SMC5: variants seen among roughly 807,000 people sequenced by gnomAD.
The protein encoded by SMC5 is structural maintenance of chromosomes 5.
A neutral mutation model predicts 148.3 loss-of-function variants in SMC5; 88 were observed. The ratio of observed to expected loss-of-function variants is 0.59; its 90% CI spans 0.50 to 0.71. The LOEUF (loss-of-function observed/expected upper bound fraction) is 0.71. Among genes scored for constraint, SMC5 ranks in the 30% least tolerant of loss-of-function variants. The probability of loss-of-function intolerance (pLI) is 0.00; values close to 1 mark genes in which losing one functional copy is unlikely to be tolerated. For missense variants in SMC5, 1,142 were observed against 1,298.9 expected (o/e 0.88, Z 1.86); for synonymous variants, 421 against 432.8 (o/e 0.97, Z 0.34).
intron 15 of SMC5, among the ~76,000 whole-genome samples, chr9:70,319,350 A>G (rs2035891052): frequency 6.6e-6 from 1 of 152,204 alleles, no homozygotes; most frequent in Non-Finnish European, 1.5e-5. Flanking sequence ...AAATAAACCC[A>G]TTATGTGTTA....
intron 5 of SMC5, among the ~76,000 whole-genome samples, chr9:70,279,320 A>G (rs1045372067): frequency 6.6e-6 from 1 of 152,090 alleles, no homozygotes; most frequent in African/African-American, 2.4e-5. Flanking sequence ...GTTTGAGACC[A>G]GCCTAGGCAA....
At chr9:70,298,348 C>T in intron 9 of SMC5, 127 bp downstream of exon 9, 1 of 1,009,028 alleles carries the variant, frequency 9.9e-7, no homozygotes, top group Non-Finnish European at 1.4e-6. Context: ...AAGCTCAACT[C>T]AGTTCTTCCA....
At chr9:70,285,492 A>C (rs2034871071) in intron 7 of SMC5, among the ~76,000 whole-genome samples, 1 of 152,214 alleles carries the variant, frequency 6.6e-6, no homozygotes, top group African/African-American at 2.4e-5. Context: ...GAAGGAAAGC[A>C]GATGTTCTGC....
intron 11 of SMC5, among the ~76,000 whole-genome samples, chr9:70,309,269 GTAGCATATGATAGCATTTTACCCA>G (rs1382318210): frequency 1.5e-5 from 2 of 134,188 alleles, no homozygotes; most frequent in Non-Finnish European, 3.1e-5. Context: ...AGATTTCTCT[GTAGCATATGATAGCATTTTACCCA>G]TAGCAGAATT....
intron 8 of SMC5, among the ~76,000 whole-genome samples, chr9:70,294,016 G>A (rs567571035): frequency 4.5e-4 from 68 of 152,194 alleles, no homozygotes; most frequent in South Asian, 1.7e-3. Context: ...CTCTGGAGTA[G>A]CCTTGGAGGG....
rs752186270 is a variant in SMC5, at chr9:70,347,930, G to T, written c.2781G>T (p.Arg927Ser). ...YRENISQVKE[R>S]WLNPLKELVE... ...GCCTTTATTTGTAGGTAAAAGAAAG[G>T]TGGCTTAATCCTTTAAAAGAGCTGG... is the stretch of plus-strand genomic sequence containing the variant. The change falls in exon 22 of 25, where the codon AGG becomes AGT. Residue 927 changes from arginine to serine, a missense_variant. Transcript: ENST00000361138. The T allele has an allele frequency of 2.5e-6, 4 of 1,588,000 alleles. No homozygotes were observed. The Admixed American group carries it at 7.3e-5, about 29-fold the overall frequency.
At chr9:70,281,106 C>T (rs1012295362) in intron 6 of SMC5, among the ~76,000 whole-genome samples, 7 of 150,956 alleles carry the variant, frequency 4.6e-5, no homozygotes, top group African/African-American at 9.8e-5. Flanking sequence ...GGTACGATCT[C>T]GGCTCACTGC....
Position 70,353,018 on chromosome 9 carries a change from A to G in SMC5, c.*687A>G, listed in dbSNP as rs2036838218. ...CACTAGATGATGCAAAATACAACCA[A>G]AAGATTGACTGAGAATAAAATTAGG... On this transcript the variant is annotated 3_prime_UTR_variant, in exon 25 of 25. Coordinates refer to ENST00000361138, the MANE Select transcript of SMC5 (RefSeq NM_015110.4). 6.6e-6 allele frequency: 1 copy of G among 151,966 alleles called. No individual in the cohort carries two copies. The highest frequency in any genetic ancestry group is 1.5e-5 in the Non-Finnish European group (1 of 67,990). 9.4% of individuals were successfully genotyped at this position (151,966 alleles called of 1,614,324 possible). A position where few individuals can be genotyped will look rare whatever the true frequency, so the allele number is the denominator to read the frequency against.
intron 2 of SMC5, among the ~76,000 whole-genome samples, chr9:70,264,765 G>A (rs539023503): frequency 6.6e-6 from 1 of 152,150 alleles, no homozygotes; most frequent in East Asian, 1.9e-4. Flanking sequence ...CCAGTCATAT[G>A]TTGCTTAATG....
chr9:70,271,266 AAG>A (rs955586095), intron 3 of SMC5, among the ~76,000 whole-genome samples: 4 of 152,184 alleles, frequency 2.6e-5, no homozygotes, highest in African/African-American at 7.2e-5. Context: ...AACTTTAAAA[AAG>A]TTAATTTTTT....
intron 1 of SMC5, 34 bp from the exon 2 acceptor site, chr9:70,264,268 ATC>A (rs1564018410): frequency 1.3e-6 from 2 of 1,576,138 alleles, no homozygotes; most frequent in African/African-American, 2.7e-5. Flanking sequence ...GTGGTTTTGT[ATC>A]TCTCCTTAAT....
intron 11 of SMC5, among the ~76,000 whole-genome samples, chr9:70,312,813 G>A (rs1471523427): frequency 1.3e-5 from 2 of 152,130 alleles, no homozygotes; most frequent in South Asian, 2.1e-4. Context: ...ATACATTGCT[G>A]GATTCTGTTT....
intron 17 of SMC5, among the ~76,000 whole-genome samples, chr9:70,338,223 C>A (rs770361528): frequency 4.6e-5 from 7 of 152,090 alleles, no homozygotes; most frequent in African/African-American, 4.8e-5. Context: ...GTTGCCCTGG[C>A]TGGTCTCAAA....
intron 22 of SMC5, among the ~76,000 whole-genome samples, chr9:70,348,481 C>CA (rs1240844414): frequency 6.6e-6 from 1 of 151,846 alleles, no homozygotes; most frequent in African/African-American, 2.4e-5. Flanking sequence ...AGCTTGAGCT[C>CA]ACGGGTTTGA....
chr9:70,301,945 A>G (rs1160781103), intron 10 of SMC5, among the ~76,000 whole-genome samples: 1 of 152,244 alleles, frequency 6.6e-6, no homozygotes, highest in Non-Finnish European at 1.5e-5. Context: ...ACCTATCTTT[A>G]TCTTGCTACT....
At chr9:70,318,311 C>G (rs2035860835) in intron 13 of SMC5, among the ~76,000 whole-genome samples, 1 of 151,800 alleles carries the variant, frequency 6.6e-6, no homozygotes, top group Non-Finnish European at 1.5e-5. Flanking sequence ...TCACTTGAGC[C>G]TGGGGGGTTG....
At chr9:70,318,288 T>C (rs1287521103) in intron 13 of SMC5, among the ~76,000 whole-genome samples, 3 of 151,956 alleles carry the variant, frequency 2.0e-5, no homozygotes, top group African/African-American at 7.3e-5. Flanking sequence ...CTCAGGAGGC[T>C]GAAGTGGAAG....
At chr9:70,259,860 T>C (rs922816432) in intron 1 of SMC5, among the ~76,000 whole-genome samples, 1 of 152,176 alleles carries the variant, frequency 6.6e-6, no homozygotes, top group African/African-American at 2.4e-5. Flanking sequence ...GTTACCGCTT[T>C]AGAATTTAGT....
At chr9:70,274,423 C>G (rs1331142723) in intron 3 of SMC5, among the ~76,000 whole-genome samples, 1 of 151,172 alleles carries the variant, frequency 6.6e-6, no homozygotes, top group Non-Finnish European at 1.5e-5. Flanking sequence ...CTCTATCTTT[C>G]TTTTGCCTTA....
Sources: allele counts gnomAD v4.1 joint callset (sites outside exome capture counted in the v4.1 genomes callset), GRCh38; gene constraint gnomAD v4.1.1; transcripts MANE v1.5; gene names NCBI Gene and HGNC (gene_info 2026-07-23, HGNC 2026-07-21).